Variants in PLA2G6 observed in about 807,000 individuals in gnomAD.
PLA2G6 encodes the protein 85/88 kDa calcium-independent phospholipase A2.
In PLA2G6, 62 loss-of-function variants were observed where a neutral mutation model predicts 83.8. That is an observed-to-expected ratio of 0.74 (90% CI 0.60 to 0.91). PLA2G6 has a LOEUF of 0.91. PLA2G6 is among the 40% of genes least tolerant of loss of function. The pLI, the probability that PLA2G6 is intolerant of heterozygous loss-of-function variation, is 0.00. For synonymous variants in PLA2G6, 417 were observed against 449.8 expected (o/e 0.93, Z 0.92); for missense variants, 944 against 1,102.0 (o/e 0.86, Z 2.03).
intron 1 of PLA2G6, among the ~76,000 whole-genome samples, chr22:38,172,788 A>G (rs1234214222): frequency 6.6e-6 from 1 of 152,228 alleles, no homozygotes; most frequent in Non-Finnish European, 1.5e-5. Context: ...GGGTGCAGTG[A>G]AATCAAAGAA....
chr22:38,145,833 A>ACACACACACACACACACACC (rs1491467180), intron 2 of PLA2G6, 180 bp from the exon 3 acceptor site: 4 of 595,120 alleles, frequency 6.7e-6, no homozygotes, highest in African/African-American at 3.9e-5. Context: ...ACACACACAC[A>ACACACACACACACACACACC]CCCCTATACA....
intron 8 of PLA2G6, 62 bp downstream of exon 8, chr22:38,129,392 C>G (rs1480193521): frequency 1.7e-6 from 2 of 1,165,544 alleles, no homozygotes; most frequent in Non-Finnish European, 2.6e-6. Context: ...CTTCCCTCCT[C>G]CTCGGTCCCT....
At chr22:38,143,531 C>T (rs1427823480) in intron 3 of PLA2G6, 13 of 607,392 alleles carry the variant, frequency 2.1e-5, no homozygotes, top group Non-Finnish European at 3.3e-5. Context: ...AGGGCCACAC[C>T]AGCAGGAAGT....
chr22:38,150,975 T>C (rs1174201673), intron 2 of PLA2G6, among the ~76,000 whole-genome samples: 1 of 152,144 alleles, frequency 6.6e-6, no homozygotes, highest in Non-Finnish European at 1.5e-5. Context: ...TAGCCCCAGC[T>C]ACTCAGGAGG....
chr22:38,171,640 G>A lies in PLA2G6; in HGVS notation c.-45-2169C>T, dbSNP rs576393598. ...TTGAGACCAGCCTGACCAACATGGT[G>A]AAACTCCGTCTCTACTAAAAATATA... On this transcript the variant is annotated intron_variant, in intron 1 of 16. Transcript: ENST00000332509. Among the ~76,000 whole-genome samples the A allele has an allele frequency of 5.2e-4, 79 of 152,104 alleles. 1 individual carries two copies. The highest frequency in any genetic ancestry group is 1.7e-3 in the African/African-American group (71 of 41,514).
chr22:38,135,090 G>C lies in PLA2G6; in HGVS notation c.798-6C>G, dbSNP rs1262134305. On this transcript the variant is annotated splice_region_variant and splice_polypyrimidine_tract_variant and intron_variant, in intron 5 of 16. Coordinates refer to ENST00000332509, the MANE Select transcript of PLA2G6 (RefSeq NM_003560.4). ...TGATGATCATCTCCGCACACCTGGT[G>C]AGAGAGGGGCCCCGGTTGGTGAGCA... 6.2e-7 allele frequency: 1 copy of C among 1,611,302 alleles called. No individual in the cohort carries two copies. The highest frequency in any genetic ancestry group is 1.3e-5 in the African/African-American group (1 of 74,866).
chr22:38,115,777 G>C, intron 13 of PLA2G6, 96 bp from the exon 14 acceptor site: 1 of 1,501,866 alleles, frequency 6.7e-7, no homozygotes, highest in Non-Finnish European at 8.9e-7. Context: ...GGGGCTGGGG[G>C]TGCGGGAAGA....
intron 2 of PLA2G6, among the ~76,000 whole-genome samples, chr22:38,166,371 G>T (rs912305994): frequency 1.3e-5 from 2 of 151,982 alleles, no homozygotes; most frequent in Non-Finnish European, 2.9e-5. Context: ...AGGTTAGAGG[G>T]GAGAAGATAA....
At chr22:38,129,401 C>G (rs2088068257) in intron 8 of PLA2G6, 53 bp downstream of exon 8, 11 of 1,265,114 alleles carry the variant, frequency 8.7e-6, no homozygotes, top group Middle Eastern at 2.1e-4. Flanking sequence ...TCCTCGGTCC[C>G]TGTATCCACC....
intron 12 of PLA2G6, among the ~76,000 whole-genome samples, chr22:38,119,202 C>T (rs1480447037): frequency 6.6e-6 from 1 of 152,148 alleles, no homozygotes; most frequent in Non-Finnish European, 1.5e-5. Context: ...GGACTCACCA[C>T]ACAGCGGTAG....
At position 38,111,920 on chromosome 22, in the gene PLA2G6, G is replaced by C; in HGVS notation, c.*241C>G. 1.7e-6 allele frequency: 1 copy of C among 577,136 alleles called. No homozygotes were observed. The highest frequency in any genetic ancestry group is 3.1e-6 in the Non-Finnish European group (1 of 321,662). The allele number at this position is 577,136 out of a possible 1,614,324, so 35.8% of individuals were successfully genotyped here. Reference sequence around the variant, plus strand: ...AGTTGTCCTTGACAGTCAGGGAAAGGGGCCAAAGGGGGCTCTAGACTTTCC... The same window carrying C: ...AGTTGTCCTTGACAGTCAGGGAAAGCGGCCAAAGGGGGCTCTAGACTTTCC... On this transcript the variant is annotated 3_prime_UTR_variant, in exon 17 of 17. Coordinates refer to ENST00000332509, the MANE Select transcript of PLA2G6 (RefSeq NM_003560.4).
At chr22:38,159,957 T>C (rs1266720224) in intron 2 of PLA2G6, among the ~76,000 whole-genome samples, 1 of 152,162 alleles carries the variant, frequency 6.6e-6, no homozygotes, top group Non-Finnish European at 1.5e-5. Context: ...ACACCGTGTG[T>C]GCAGCTGAAC....
chr22:38,118,753 GTT>G (rs10709435), intron 12 of PLA2G6, among the ~76,000 whole-genome samples: 29 of 138,668 alleles, frequency 2.1e-4, no homozygotes, highest in Admixed American at 5.1e-4. Flanking sequence ...GTTTGTTTTT[GTT>G]TTTTTTTTTT....
chr22:38,121,505 T>C (rs2087529392), intron 11 of PLA2G6, among the ~76,000 whole-genome samples: 1 of 152,208 alleles, frequency 6.6e-6, no homozygotes, highest in South Asian at 2.1e-4. Context: ...AAACAAGGAA[T>C]AGCCCTGTCC....
At chr22:38,159,218 T>C (rs1357567666) in intron 2 of PLA2G6, among the ~76,000 whole-genome samples, 2 of 152,036 alleles carry the variant, frequency 1.3e-5, no homozygotes, top group Admixed American at 1.3e-4. Context: ...AGATCCTCCA[T>C]ACATTAAAAA....
chr22:38,136,865 C>CTCA, intron 5 of PLA2G6: 1 of 151,066 alleles, frequency 6.6e-6, no homozygotes, highest in Non-Finnish European at 1.5e-5. Flanking sequence ...CCCTGGTTTC[C>CTCA]TCATCTGTTT....
chr22:38,149,619 T>C (rs763117633), intron 2 of PLA2G6: 3 of 152,214 alleles, frequency 2.0e-5, no homozygotes, highest in Non-Finnish European at 4.4e-5. Flanking sequence ...GAAAAGTTAA[T>C]GTCTGCAAAC....
chr22:38,130,877 CG>C (rs1478567825), intron 7 of PLA2G6: 1 of 151,572 alleles, frequency 6.6e-6, no homozygotes, highest in African/African-American at 2.4e-5. Context: ...GGCGCATGAA[CG>C]TAATCCCAGC....
chr22:38,136,540 C>G (rs1469915034), intron 5 of PLA2G6: 1 of 151,652 alleles, frequency 6.6e-6, no homozygotes, highest in African/African-American at 2.4e-5. Flanking sequence ...AACGGTAAGC[C>G]GAGATCACAC....
Sources: allele counts gnomAD v4.1 joint callset (sites outside exome capture counted in the v4.1 genomes callset), GRCh38; gene constraint gnomAD v4.1.1; transcripts MANE v1.5; gene names NCBI Gene and HGNC (gene_info 2026-07-23, HGNC 2026-07-21).